DMGDH: variants seen among roughly 807,000 people sequenced by gnomAD.
The protein encoded by DMGDH is dimethylglycine dehydrogenase.
In DMGDH, 76 loss-of-function variants were observed where a neutral mutation model predicts 95.2. The observed-to-expected ratio is 0.80, with a 90% CI of 0.66 to 0.97. DMGDH has a LOEUF of 0.97. Ranked by LOEUF, DMGDH falls within the 50% of genes least tolerant of loss-of-function variation. The pLI is 0.00. For missense variants in DMGDH, 987 were observed against 1,055.0 expected (o/e 0.94, Z 0.89); for synonymous variants, 345 against 377.6 (o/e 0.91, Z 1.00).
intron 2 of DMGDH, among the ~76,000 whole-genome samples, chr5:79,062,802 A>G (rs1755248682): frequency 6.6e-6 from 1 of 152,160 alleles, no homozygotes. Context: ...GCATAAAATT[A>G]AAACCATAAG....
rs540144251 is a variant in DMGDH at position 79,008,010 on chromosome 5, T to G, written c.2251-2603A>C. Among the ~76,000 whole-genome samples, 4 of 152,314 alleles carry G rather than the reference T, an allele frequency of 2.6e-5. No homozygotes were observed. In the South Asian group the frequency reaches 8.3e-4, roughly 32 times the overall value. On this transcript the variant is annotated intron_variant, in intron 14 of 15. Coordinates refer to ENST00000255189, the MANE Select transcript of DMGDH (RefSeq NM_013391.3). Reference sequence around the variant, plus strand: ...ACAGAAAAAAAGAACAATTTGAGATTATTGGAAACATAGCAGAACATGACA... The same window carrying G: ...ACAGAAAAAAAGAACAATTTGAGATGATTGGAAACATAGCAGAACATGACA...
intron 1 of DMGDH, among the ~76,000 whole-genome samples, chr5:79,064,736 A>AT (rs1431074425): frequency 6.7e-6 from 1 of 149,894 alleles, no homozygotes; most frequent in Non-Finnish European, 1.5e-5. Context: ...AAATATATAT[A>AT]TTTTTTTAAC....
chr5:79,019,043 C>T (rs958718652), intron 14 of DMGDH, among the ~76,000 whole-genome samples: 1 of 152,062 alleles, frequency 6.6e-6, no homozygotes, highest in African/African-American at 2.4e-5. Flanking sequence ...ATTCAGATGA[C>T]ACAATTATGT....
chr5:79,023,756 G>A (rs575869000), intron 14 of DMGDH, among the ~76,000 whole-genome samples: 9 of 152,282 alleles, frequency 5.9e-5, no homozygotes, highest in Non-Finnish European at 1.2e-4. Context: ...TGCCGAAAAC[G>A]TTTGAAACGT....
chr5:79,033,543 T>A (rs1401922737), intron 7 of DMGDH, 135 bp from the exon 8 acceptor site: 7 of 1,077,652 alleles, frequency 6.5e-6, no homozygotes, highest in Non-Finnish European at 9.7e-6. Flanking sequence ...ATAATCTCTA[T>A]GGAACAATTT....
At position 79,033,329 on chromosome 5, in the gene DMGDH, T is replaced by C. The variant is rs547927247; in HGVS notation, c.1273A>G (p.Ile425Val). 49 of 1,614,208 alleles carry C rather than the reference T, an allele frequency of 3.0e-5. No individual in the cohort carries two copies. In the South Asian group the frequency reaches 5.3e-4, roughly 17 times the overall value. ...ILHGEPPFDL[I>V]ELDPNRYGKW... ...CCATAGCGATTAGGATCCAATTCTA[T>C]CAGATCAAAAGGAGGTTCTCCATGC... Residue 425 changes from isoleucine (I) to valine (V), a missense_variant, in exon 8 of 16, where the codon ATA (isoleucine) becomes GTA (valine). Coordinates refer to ENST00000255189, the MANE Select transcript of DMGDH (RefSeq NM_013391.3).
intron 5 of DMGDH, among the ~76,000 whole-genome samples, chr5:79,045,101 T>C (rs1485247143): frequency 3.9e-5 from 6 of 152,208 alleles, no homozygotes; most frequent in African/African-American, 1.4e-4. Context: ...TCTGTTAAGC[T>C]AAAATTGAAA....
intron 7 of DMGDH, among the ~76,000 whole-genome samples, chr5:79,035,745 G>A (rs1343656853): frequency 2.7e-5 from 4 of 148,370 alleles, no homozygotes; most frequent in Non-Finnish European, 5.9e-5. Context: ...GGTGGGCGGG[G>A]GGGGAATCCT....
intron 14 of DMGDH, among the ~76,000 whole-genome samples, chr5:79,022,659 T>C (rs1753897535): frequency 6.6e-6 from 1 of 152,244 alleles, no homozygotes; most frequent in Non-Finnish European, 1.5e-5. Context: ...CTAACTACGT[T>C]CTGAGATGAG....
intron 14 of DMGDH, among the ~76,000 whole-genome samples, chr5:79,011,593 T>C (rs1753648444): frequency 6.6e-6 from 1 of 152,202 alleles, no homozygotes; most frequent in Non-Finnish European, 1.5e-5. Flanking sequence ...AGAGATTTAA[T>C]TGGCTCATAG....
intron 14 of DMGDH, among the ~76,000 whole-genome samples, chr5:79,017,751 A>G (rs1753762514): frequency 6.6e-6 from 1 of 152,244 alleles, no homozygotes; most frequent in East Asian, 1.9e-4. Context: ...TTTGAACTGC[A>G]CGGATCCACT....
Position 79,024,258 on chromosome 5 carries a change from A to G in DMGDH, c.2250+13T>C. The G allele has an allele frequency of 6.2e-7, 1 of 1,610,318 alleles. No homozygotes were observed. The highest frequency in any genetic ancestry group is 1.1e-5 in the South Asian group (1 of 90,994). ...AAGATTTACTTCAAGCACACTTTGGAATGTAAACATACCTTATTTAACTTC... is the reference window on the plus strand; with the variant it reads ...AAGATTTACTTCAAGCACACTTTGGGATGTAAACATACCTTATTTAACTTC... On this transcript the variant is annotated intron_variant, in intron 14 of 15. Transcript: ENST00000255189.
chr5:78,998,067 G>A lies in DMGDH; in HGVS notation c.*15C>T, dbSNP rs1483181127. The A allele has an allele frequency of 6.2e-7, 1 of 1,613,676 alleles. No homozygotes were observed. Among genetic ancestry groups the A allele is most frequent in the Non-Finnish European group, 8.5e-7 (1 of 1,179,580 alleles). On this transcript the variant is annotated 3_prime_UTR_variant, in exon 16 of 16. Transcript: ENST00000255189. ...ATTAGCAACTCTAATTCAGTTGACT[G>A]CTGAAGGTCTTTTTTCAAGTTTTGT...
chr5:79,016,062 G>A (rs760912278), intron 14 of DMGDH, among the ~76,000 whole-genome samples: 3 of 151,826 alleles, frequency 2.0e-5, no homozygotes, highest in African/African-American at 2.4e-5. Flanking sequence ...GTGAAACCCC[G>A]TCTCTACTAA....
rs184176284 is a variant in DMGDH at position 79,011,862 on chromosome 5, C to A, written c.2251-6455G>T. ...GTCATGAGAAATCTGCCCCCATGAT[C>A]CAATCACCTCTCATCAGGCCCCACC... is the stretch of plus-strand genomic sequence containing the variant. On this transcript the variant is annotated intron_variant, in intron 14 of 15. Coordinates refer to ENST00000255189, the MANE Select transcript of DMGDH (RefSeq NM_013391.3). Among the ~76,000 whole-genome samples, 358 of 152,216 alleles carry A rather than the reference C, an allele frequency of 2.4e-3. 1 individual carries two copies. Among genetic ancestry groups the A allele is most frequent in the African/African-American group, 8.2e-3 (340 of 41,530 alleles).
At chr5:79,007,096 T>C (rs1185944597) in intron 14 of DMGDH, among the ~76,000 whole-genome samples, 1 of 152,124 alleles carries the variant, frequency 6.6e-6, no homozygotes, top group Non-Finnish European at 1.5e-5. Context: ...TTAAAGAAGA[T>C]TGGAACCCGT....
chr5:79,047,621 A>T (rs1754719197), intron 5 of DMGDH, among the ~76,000 whole-genome samples: 1 of 152,154 alleles, frequency 6.6e-6, no homozygotes, highest in African/African-American at 2.4e-5. Flanking sequence ...GCTGTACCTG[A>T]GGGAAAGGGT....
chr5:79,067,822 G>A (rs184029599), intron 1 of DMGDH, among the ~76,000 whole-genome samples: 1 of 152,300 alleles, frequency 6.6e-6, no homozygotes, highest in African/African-American at 2.4e-5. Context: ...AGCACAAACT[G>A]TATGCTTGTT....
chr5:79,055,702 T>G, intron 3 of DMGDH, 108 bp downstream of exon 3: 2 of 763,776 alleles, frequency 2.6e-6, no homozygotes, highest in Non-Finnish European at 4.7e-6. Flanking sequence ...CTCTACTACA[T>G]TAAGCACTCC....
Sources: allele counts gnomAD v4.1 joint callset (sites outside exome capture counted in the v4.1 genomes callset), GRCh38; gene constraint gnomAD v4.1.1; transcripts MANE v1.5; gene names NCBI Gene and HGNC (gene_info 2026-07-23, HGNC 2026-07-21).